The following SPEN variants were observed in gnomAD, a reference collection of about 807,000 sequenced individuals.
SPEN encodes the protein msx2-interacting protein.
A neutral mutation model predicts 269.9 loss-of-function variants in SPEN; 18 were observed. The observed-to-expected ratio is 0.07, with a 90% confidence interval of 0.05 to 0.10. The LOEUF (loss-of-function observed/expected upper bound fraction) is 0.10, where lower values mean the gene tolerates loss of function less well. Among genes scored for constraint, SPEN ranks in the 10% least tolerant of loss-of-function variants. The probability of loss-of-function intolerance (pLI) is 1.00; values close to 1 mark genes in which losing one functional copy is unlikely to be tolerated. For synonymous variants in SPEN, 1,726 were observed against 1,765.7 expected (o/e 0.98, Z 0.56); for missense variants, 3,822 against 4,631.2 (o/e 0.83, Z 5.07).
At chr1:15,865,083 ACT>A (rs1000924107) in intron 1 of SPEN, among the ~76,000 whole-genome samples, 4 of 151,544 alleles carry the variant, frequency 2.6e-5, no homozygotes, top group African/African-American at 9.7e-5. Context: ...ATGGAGTCTC[ACT>A]CTGTCGCCCG....
chr1:15,848,901 G>T lies in SPEN; in HGVS notation c.83+751G>T, dbSNP rs115482228. ...TAGCCTCGGGTCGCACTCCCAGGCCGCCCTAAGACCCTGGTGCCCCCCACC... is the reference window on the plus strand; with the variant it reads ...TAGCCTCGGGTCGCACTCCCAGGCCTCCCTAAGACCCTGGTGCCCCCCACC... On this transcript the variant is annotated intron_variant, in intron 1 of 14. Transcript: ENST00000375759. This position sits in a 1 kb window ranked among gnomAD's most constrained non-coding sequence, Gnocchi z 5.1. Among the ~76,000 whole-genome samples, 255 of 152,164 alleles carry T rather than the reference G, an allele frequency of 1.7e-3. 1 individual carries two copies. Among genetic ancestry groups the T allele is most frequent in the Middle Eastern group, 6.8e-3 (2 of 294 alleles).
Position 15,935,798 on chromosome 1 carries a change from G to C in SPEN, c.9558G>C (p.Leu3186=). The C allele has an allele frequency of 6.2e-7, 1 of 1,613,858 alleles. No homozygotes were observed. The highest frequency in any genetic ancestry group is 8.5e-7 in the Non-Finnish European group (1 of 1,180,006). The change falls in exon 11 of 15, where the codon CTG becomes CTC. Residue 3186 remains leucine (L), a synonymous_variant. Coordinates refer to ENST00000375759, the MANE Select transcript of SPEN (RefSeq NM_015001.3). This position sits in a 1 kb window ranked among gnomAD's most constrained non-coding sequence, Gnocchi z 7.7. ...EVLVMQSEYR[L]HPYTVPRDVR... The stretch of plus-strand genomic sequence containing the variant: ...TAGTCATGCAGTCTGAGTACCGACT[G>C]CACCCCTATACTGTGCCACGGGATG...
chr1:15,927,628 T>C (rs758408488), intron 10 of SPEN, among the ~76,000 whole-genome samples: 23 of 152,188 alleles, frequency 1.5e-4, no homozygotes, highest in Non-Finnish European at 2.8e-4. Context: ...GTGGGGATAT[T>C]GTCCAGTAAC....
intron 13 of SPEN, 163 bp from the exon 14 acceptor site, chr1:15,938,555 T>G: frequency 1.7e-6 from 1 of 605,494 alleles, no homozygotes; most frequent in Non-Finnish European, 2.6e-6. Flanking sequence ...TTTCTCAGGT[T>G]GAAAAAAAGC....
At chr1:15,869,841 C>G (rs1311341456) in intron 1 of SPEN, among the ~76,000 whole-genome samples, 1 of 151,126 alleles carries the variant, frequency 6.6e-6, no homozygotes, top group Non-Finnish European at 1.5e-5. Context: ...TGTTTATTTG[C>G]TCTTTGCTTT....
At chr1:15,874,266 A>C in intron 2 of SPEN, 1 of 1,366,414 alleles carries the variant, frequency 7.3e-7, no homozygotes, top group Non-Finnish European at 9.8e-7. Context: ...TCTAAATATC[A>C]TTTGACACCC....
chr1:15,911,239 C>T lies in SPEN; in HGVS notation c.1181C>T (p.Thr394Ile). ...CAAGAGGACCAAGAAAAAGCCTTGACTGCATCAAAAGGAAAACTTTTCTTT... is the reference window on the plus strand; with the variant it reads ...CAAGAGGACCAAGAAAAAGCCTTGATTGCATCAAAAGGAAAACTTTTCTTT... ...RQQEDQEKAL[T>I]ASKGKLFFGM... The change falls in exon 5 of 15, where the codon ACT (threonine) becomes ATT (isoleucine). Residue 394 changes from threonine to isoleucine, a missense_variant. By Grantham distance (89) the Thr-to-Ile change is moderately conservative (BLOSUM62 -1). Around this residue, in one of 16 missense-constraint regions of SPEN, gnomAD observed 230 missense variants for 426.1 expected, o/e 0.54. Transcript: ENST00000375759. 6.2e-7 allele frequency: 1 copy of T among 1,614,122 alleles called. No homozygotes were observed. Among genetic ancestry groups the T allele is most frequent in the Non-Finnish European group, 8.5e-7 (1 of 1,180,010 alleles).
chr1:15,918,710 A>G (rs1217658481), intron 6 of SPEN, among the ~76,000 whole-genome samples: 1 of 152,234 alleles, frequency 6.6e-6, no homozygotes. Context: ...AGAGAGCTTC[A>G]CATGAGAAGG....
chr1:15,904,452 C>CAAAAAAAAAAAAAAA lies in SPEN; in HGVS notation c.882-4858_882-4844dup, dbSNP rs1215369183. ...GGGCAATAAGAGCGAAACTCCATCT[C>CAAAAAAAAAAAAAAA]AAAAAAAAAAAAAAAAAAAAAAAAA... On this transcript the variant is annotated intron_variant, in intron 3 of 14. Transcript: ENST00000375759. Among the ~76,000 whole-genome samples, 320 of 48,592 alleles carry CAAAAAAAAAAAAAAA rather than the reference C, an allele frequency of 6.6e-3. 24 individuals are homozygous for CAAAAAAAAAAAAAAA. Among genetic ancestry groups the CAAAAAAAAAAAAAAA allele is most frequent in the Middle Eastern group, 0.019 (1 of 54 alleles). 31.9% of individuals were successfully genotyped at this position (48,592 alleles called of 152,430 possible).
chr1:15,883,236 A>C (rs1349802728), intron 3 of SPEN, among the ~76,000 whole-genome samples: 3 of 152,198 alleles, frequency 2.0e-5, no homozygotes, highest in African/African-American at 7.2e-5. Flanking sequence ...AGAAAGACAC[A>C]CACACAGTTC....
Position 15,931,656 on chromosome 1 carries a change from G to A in SPEN, c.5416G>A (p.Glu1806Lys), listed in dbSNP as rs778550249. The change falls in exon 11 of 15, where the codon GAG becomes AAG. Residue 1806 changes from glutamate to lysine, a missense_variant. Transcript: ENST00000375759. This position sits in a 1 kb window ranked among gnomAD's most constrained non-coding sequence, Gnocchi z 4.8. ...TCAGCCCCCAGCTTCTGAAGATTTA[G>A]AGGTTGATCCTCCAGTTGCTGCAAA... ...ESQPPASEDLEVDPPVAAKDK... is the reference protein window; with the variant it reads ...ESQPPASEDLKVDPPVAAKDK... 6.2e-7 allele frequency: 1 copy of A among 1,614,222 alleles called. No individual in the cohort carries two copies. The highest frequency in any genetic ancestry group is 2.2e-5 in the East Asian group (1 of 44,890).
At position 15,933,276 on chromosome 1, in the gene SPEN, A is replaced by G. The variant is rs2071240468; in HGVS notation, c.7036A>G (p.Lys2346Glu). Reference protein sequence around the residue: ...TRSRRKRNTNKKVVAPVESHV... With the variant: ...TRSRRKRNTNEKVVAPVESHV... ...ATCACGCCGCAAGCGAAACACAAAC[A>G]AGAAAGTGGTGGCTCCTGTAGAGAG... is the stretch of plus-strand genomic sequence containing the variant. The change falls in exon 11 of 15, where the codon AAG becomes GAG. Residue 2346 changes from lysine (K) to glutamate (E), a missense_variant. Around this residue, in one of 16 missense-constraint regions of SPEN, gnomAD observed 727 missense variants for 737.9 expected, o/e 0.99. Coordinates refer to ENST00000375759, the MANE Select transcript of SPEN (RefSeq NM_015001.3). This position sits in a 1 kb window ranked among gnomAD's most constrained non-coding sequence, Gnocchi z 5.7. The G allele has an allele frequency of 1.2e-6, 2 of 1,614,012 alleles. No homozygotes were observed. Among genetic ancestry groups the G allele is most frequent in the Non-Finnish European group, 1.7e-6 (2 of 1,180,034 alleles).
chr1:15,862,302 C>T (rs2070456350), intron 1 of SPEN, among the ~76,000 whole-genome samples: 1 of 152,146 alleles, frequency 6.6e-6, no homozygotes, highest in Admixed American at 6.6e-5. Flanking sequence ...AATTATACTT[C>T]AGTTCTTCCT....
At position 15,928,627 on chromosome 1, in the gene SPEN, C is replaced by T; in HGVS notation, c.2387C>T (p.Thr796Ile). 6.2e-7 allele frequency: 1 copy of T among 1,614,006 alleles called. No individual in the cohort carries two copies. The highest frequency in any genetic ancestry group is 8.5e-7 in the Non-Finnish European group (1 of 1,179,998). Residue 796 changes from threonine to isoleucine, a missense_variant, in exon 11 of 15, where the codon ACT becomes ATT. Coordinates refer to ENST00000375759, the MANE Select transcript of SPEN (RefSeq NM_015001.3). This position sits in a 1 kb window ranked among gnomAD's most constrained non-coding sequence, Gnocchi z 5.7. The part of the protein sequence containing the change: ...TKNEKTDKER[T>I]FDPERVERER... ...AATGAAAAGACAGATAAAGAACGAA[C>T]TTTTGATCCGGAGAGAGTGGAGAGA...
intron 1 of SPEN, among the ~76,000 whole-genome samples, chr1:15,853,000 G>C (rs1283420306): frequency 2.6e-5 from 4 of 151,974 alleles, no homozygotes; most frequent in Non-Finnish European, 1.5e-5. Context: ...AGAACCACAG[G>C]TATGTGCCAC....
chr1:15,931,928 C>T lies in SPEN; in HGVS notation c.5688C>T (p.Leu1896=). The T allele has an allele frequency of 6.2e-7, 1 of 1,614,214 alleles. No homozygotes were observed. The highest frequency in any genetic ancestry group is 8.5e-7 in the Non-Finnish European group (1 of 1,180,026). ...DLEHPEPSLP[L]SRTRRRNVRS... Reference sequence around the variant, plus strand: ...AACATCCCGAACCAAGTTTGCCTCTCAGCCGAACAAGGCGCCGGAATGTAA... The same window carrying T: ...AACATCCCGAACCAAGTTTGCCTCTTAGCCGAACAAGGCGCCGGAATGTAA... Residue 1896 remains leucine (L), a synonymous_variant, in exon 11 of 15, where the codon CTC becomes CTT. Coordinates refer to ENST00000375759, the MANE Select transcript of SPEN (RefSeq NM_015001.3). The surrounding 1 kb of genome is among the most constrained non-coding windows in gnomAD (Gnocchi z 4.8).
chr1:15,896,363 T>G (rs1369497077), intron 3 of SPEN, among the ~76,000 whole-genome samples: 1 of 151,798 alleles, frequency 6.6e-6, no homozygotes. Flanking sequence ...TCTTGGCAAA[T>G]TTTTGTATTA....
At chr1:15,851,681 C>T (rs1173603677) in intron 1 of SPEN, among the ~76,000 whole-genome samples, 7 of 152,012 alleles carry the variant, frequency 4.6e-5, no homozygotes, top group Non-Finnish European at 7.4e-5. Flanking sequence ...GGTAGCCCCT[C>T]GTGTAAAAAT....
chr1:15,933,278 G>C lies in SPEN; in HGVS notation c.7038G>C (p.Lys2346Asn). 1 of 1,614,154 alleles carries C rather than the reference G, an allele frequency of 6.2e-7. No homozygotes were observed. ...CACGCCGCAAGCGAAACACAAACAA[G>C]AAAGTGGTGGCTCCTGTAGAGAGCC... ...TRSRRKRNTN[K>N]KVVAPVESHV... is the part of the protein sequence containing the mutation. Residue 2346 changes from lysine to asparagine, a missense_variant, in exon 11 of 15, where the codon AAG becomes AAC. Transcript: ENST00000375759. The surrounding 1 kb of genome is among the most constrained non-coding windows in gnomAD (Gnocchi z 5.7).
Sources: gnomAD v4.1 joint callset for allele counts (sites outside exome capture counted in the v4.1 genomes callset) on GRCh38, gnomAD v4.1.1 for gene constraint, gnomAD v4.1.1 regional missense constraint, Gnocchi (gnomAD v3.1) non-coding constraint, MANE v1.5 for transcripts, NCBI Gene and HGNC (gene_info 2026-07-23, HGNC 2026-07-21) for gene names.